Variants in COL23A1 observed in about 807,000 individuals in gnomAD.
The protein encoded by COL23A1 is collagen alpha-1(XXIII) chain.
A neutral mutation model predicts 99.3 loss-of-function variants in COL23A1; 97 were observed. The observed-to-expected ratio is 0.98, with a 90% confidence interval of 0.83 to 1.16. The LOEUF is 1.16. Among genes scored for constraint, COL23A1 ranks in the 50% most tolerant of loss-of-function variants. The pLI, the probability that COL23A1 is intolerant of heterozygous loss-of-function variation, is 0.00. For missense variants in COL23A1, 762 were observed against 757.4 expected (o/e 1.01, Z -0.07); for synonymous variants, 320 against 308.2 (o/e 1.04, Z -0.40).
chr5:178,473,655 A>G (rs889589918), intron 2 of COL23A1, among the ~76,000 whole-genome samples: 5 of 151,772 alleles, frequency 3.3e-5, no homozygotes, highest in African/African-American at 1.2e-4. Flanking sequence ...GGATCCTGGA[A>G]CCAATGCCCT....
intron 2 of COL23A1, among the ~76,000 whole-genome samples, chr5:178,496,798 T>C (rs1581504480): frequency 1.3e-5 from 2 of 152,230 alleles, no homozygotes; most frequent in African/African-American, 4.8e-5. Context: ...GCTCTTGCCA[T>C]AGACAGAGGA....
Position 178,296,087 on chromosome 5 carries a change from A to G in COL23A1, c.407-5718T>C, listed in dbSNP as rs560988588. On this transcript the variant is annotated intron_variant, in intron 3 of 28. Transcript: ENST00000390654. ...AAGCGTCAACACACTTGAACTTGAC[A>G]GTGGCTGGAGAAAGCTCTGTGTCTT... Among the ~76,000 whole-genome samples the G allele has an allele frequency of 9.2e-4, 140 of 152,380 alleles. 2 individuals carry two copies. Among genetic ancestry groups the G allele is most frequent in the Non-Finnish European group, 1.6e-3 (107 of 68,046 alleles).
rs1210452982 is a variant in COL23A1, at chr5:178,366,689, G to A, written c.362-59770C>T. Among the ~76,000 whole-genome samples, 3 of 152,142 alleles carry A rather than the reference G, an allele frequency of 2.0e-5. No individual in the cohort carries two copies. The highest frequency in any genetic ancestry group is 2.9e-5 in the Non-Finnish European group (2 of 68,034). On this transcript the variant is annotated intron_variant, in intron 2 of 28. Coordinates refer to ENST00000390654, the MANE Select transcript of COL23A1 (RefSeq NM_173465.4). This position sits in a 1 kb window ranked among gnomAD's most constrained non-coding sequence, Gnocchi z 4.4. Reference sequence around the variant, plus strand: ...CAAAACAGCATCCTGCCGCTGCCACGGTGGTGCAGCCACACTGAGCATCCC... The same window carrying A: ...CAAAACAGCATCCTGCCGCTGCCACAGTGGTGCAGCCACACTGAGCATCCC...
At chr5:178,552,011 C>A (rs909964380) in intron 2 of COL23A1, among the ~76,000 whole-genome samples, 6 of 152,132 alleles carry the variant, frequency 3.9e-5, no homozygotes, top group African/African-American at 1.2e-4. Flanking sequence ...CAGAATGCAT[C>A]CCCCATCCCA....
chr5:178,582,001 T>A (rs1409524073), intron 1 of COL23A1, among the ~76,000 whole-genome samples: 1 of 151,970 alleles, frequency 6.6e-6, no homozygotes, highest in East Asian at 1.9e-4. Context: ...GTAACATTCA[T>A]CATGCTAAAT....
rs1382050011 is a variant in COL23A1, at chr5:178,238,593, C to T, written c.*105G>A. 1 of 1,456,164 alleles carries T rather than the reference C, an allele frequency of 6.9e-7. No individual in the cohort carries two copies. The highest frequency in any genetic ancestry group is 1.7e-5 in the Admixed American group (1 of 58,326). 90.2% of individuals were successfully genotyped at this position (1,456,164 alleles called of 1,614,324 possible). The stretch of plus-strand genomic sequence containing the variant: ...CATACTCTTGAATGTTAAAAGGCCA[C>T]AGGTAGCGCATTCCATGAAAAAAGA... On this transcript the variant is annotated 3_prime_UTR_variant, in exon 29 of 29. Coordinates refer to ENST00000390654, the MANE Select transcript of COL23A1 (RefSeq NM_173465.4).
At chr5:178,516,636 G>C (rs937667458) in intron 2 of COL23A1, among the ~76,000 whole-genome samples, 1 of 152,214 alleles carries the variant, frequency 6.6e-6, no homozygotes, top group African/African-American at 2.4e-5. Context: ...GTACTGTTTG[G>C]TCTGACTAGA....
chr5:178,534,130 C>T (rs487085), intron 2 of COL23A1, among the ~76,000 whole-genome samples: 8,868 of 152,210 alleles, frequency 0.058, 264 homozygotes, highest in Non-Finnish European at 0.063. Flanking sequence ...GACTGGGTGG[C>T]TTATAAATGT....
At chr5:178,354,136 G>C (rs943177160) in intron 2 of COL23A1, among the ~76,000 whole-genome samples, 4 of 151,732 alleles carry the variant, frequency 2.6e-5, no homozygotes, top group South Asian at 2.1e-4. Flanking sequence ...TATACCATTT[G>C]AATCTTTTTT....
chr5:178,403,117 A>AAAT (rs1764546738), intron 2 of COL23A1, among the ~76,000 whole-genome samples: 2 of 139,676 alleles, frequency 1.4e-5, no homozygotes, highest in African/African-American at 5.7e-5. Context: ...TCAAAAAAAA[A>AAAT]AAAAATAAAT....
intron 1 of COL23A1, among the ~76,000 whole-genome samples, chr5:178,581,698 G>A (rs573896047): frequency 3.3e-5 from 5 of 152,184 alleles, no homozygotes; most frequent in Non-Finnish European, 7.4e-5. Flanking sequence ...ACCATTATCT[G>A]CACTAACAAA....
intron 2 of COL23A1, among the ~76,000 whole-genome samples, chr5:178,419,985 A>G (rs764499826): frequency 1.3e-5 from 2 of 152,308 alleles, no homozygotes; most frequent in Non-Finnish European, 2.9e-5. Context: ...GTCTCTCTGA[A>G]TCTGCTGTGA....
chr5:178,332,454 T>A (rs1561869753), intron 2 of COL23A1, among the ~76,000 whole-genome samples: 1 of 152,210 alleles, frequency 6.6e-6, no homozygotes, highest in Non-Finnish European at 1.5e-5. Context: ...CACTGTTCTT[T>A]GAGGTCTCTG....
At chr5:178,291,756 G>A (rs1561832306) in intron 3 of COL23A1, among the ~76,000 whole-genome samples, 1 of 152,122 alleles carries the variant, frequency 6.6e-6, no homozygotes, top group Non-Finnish European at 1.5e-5. Flanking sequence ...GGGGAGTGGA[G>A]AGAGTCAGAA....
chr5:178,315,807 A>G (rs1449604772), intron 2 of COL23A1, among the ~76,000 whole-genome samples: 2 of 126,476 alleles, frequency 1.6e-5, no homozygotes, highest in African/African-American at 5.7e-5. Context: ...TCTTTTATTC[A>G]TAGTCATGGT....
intron 2 of COL23A1, among the ~76,000 whole-genome samples, chr5:178,354,950 C>G (rs550813277): frequency 6.6e-6 from 1 of 151,620 alleles, no homozygotes; most frequent in Non-Finnish European, 1.5e-5. Context: ...CCCAGCTACT[C>G]GGGAGGCTGA....
intron 1 of COL23A1, among the ~76,000 whole-genome samples, chr5:178,586,745 C>T (rs1764026817): frequency 6.6e-6 from 1 of 152,184 alleles, no homozygotes; most frequent in South Asian, 2.1e-4. Context: ...ATTTACACTG[C>T]ATCTCCAGTT....
Position 178,384,156 on chromosome 5 carries a change from G to A in COL23A1, c.362-77237C>T, listed in dbSNP as rs550408937. 6.6e-6 allele frequency among the ~76,000 whole-genome samples: 1 copy of A among 152,164 alleles called. No homozygotes were observed. Among genetic ancestry groups the A allele is most frequent in the African/African-American group, 2.4e-5 (1 of 41,446 alleles). ...AATAAGGCTGGCCATCGAGAAGACC[G>A]AGAGGCAGGGTCAGGGGCGGCACTT... is the stretch of plus-strand genomic sequence containing the variant. On this transcript the variant is annotated intron_variant, in intron 2 of 28. Transcript: ENST00000390654. The surrounding 1 kb of genome is among the most constrained non-coding windows in gnomAD (Gnocchi z 5.5).
chr5:178,570,100 C>A (rs749678857), intron 1 of COL23A1, among the ~76,000 whole-genome samples: 8 of 134,256 alleles, frequency 6.0e-5, no homozygotes, highest in Non-Finnish European at 9.3e-5. Flanking sequence ...CAGTTCATTT[C>A]TTTTTCTTTT....
Sources: gnomAD v4.1 joint callset for allele counts (sites outside exome capture counted in the v4.1 genomes callset) on GRCh38, gnomAD v4.1.1 for gene constraint, Gnocchi (gnomAD v3.1) non-coding constraint, MANE v1.5 for transcripts, NCBI Gene and HGNC (gene_info 2026-07-23, HGNC 2026-07-21) for gene names.